Variants in CDADC1 observed in about 807,000 individuals in gnomAD.
CDADC1 encodes dCTP deaminase.
Under a neutral mutation model 54.9 loss-of-function variants are expected in CDADC1, and 39 were observed. The observed-to-expected ratio is 0.71, with a 90% CI of 0.55 to 0.93. CDADC1 has a LOEUF of 0.93. Among genes scored for constraint, CDADC1 ranks in the 40% least tolerant of loss-of-function variants. CDADC1 has a pLI of 0.00. For synonymous variants in CDADC1, 186 were observed against 204.0 expected (o/e 0.91, Z 0.75); for missense variants, 518 against 618.8 (o/e 0.84, Z 1.73).
In CDADC1 at chr13:49,267,124, C is replaced by G. The variant is rs1952834004; in HGVS notation, c.431-366C>G. On this transcript the variant is annotated intron_variant, in intron 4 of 9. Coordinates refer to ENST00000251108, the MANE Select transcript of CDADC1 (RefSeq NM_030911.4). ...GTCACAGCTACTCAACTCTGCCACA[C>G]GAAAGCACCCAAAGACTATATAAGT... 7.2e-5 allele frequency among the ~76,000 whole-genome samples: 11 copies of G among 152,212 alleles called. No homozygotes were observed. In the South Asian group the frequency reaches 2.3e-3, roughly 32 times the overall value.
intron 4 of CDADC1, among the ~76,000 whole-genome samples, chr13:49,264,883 A>T (rs1952780018): frequency 1.3e-5 from 2 of 152,202 alleles, no homozygotes. Context: ...GGTAGCTACC[A>T]TTATTTCCCC....
At chr13:49,259,300 A>G (rs377627444) in intron 3 of CDADC1, 46 bp from the exon 4 acceptor site, 34 of 1,258,238 alleles carry the variant, frequency 2.7e-5, no homozygotes, top group Non-Finnish European at 3.6e-5. Flanking sequence ...TAATATGATT[A>G]TTAGGTGTTA....
intron 3 of CDADC1, among the ~76,000 whole-genome samples, chr13:49,256,291 A>G (rs547608256): frequency 1.4e-4 from 22 of 152,296 alleles, no homozygotes; most frequent in African/African-American, 5.3e-4. Flanking sequence ...GCAGTGATCA[A>G]CCCTGAAGGT....
intron 9 of CDADC1, among the ~76,000 whole-genome samples, chr13:49,287,020 G>A (rs111664371): frequency 9.2e-4 from 140 of 152,216 alleles, no homozygotes; most frequent in African/African-American, 3.1e-3. Context: ...GTGAAACCTC[G>A]TCTCCACTAA....
At chr13:49,291,611 C>T (rs930185038) in intron 9 of CDADC1, 73 bp from the exon 10 acceptor site, 38 of 1,396,978 alleles carry the variant, frequency 2.7e-5, no homozygotes, top group East Asian at 2.7e-4. Flanking sequence ...GCTCTTACAA[C>T]ATGTAAGGCT....
At chr13:49,263,622 A>G (rs1367159329) in intron 4 of CDADC1, among the ~76,000 whole-genome samples, 3 of 152,112 alleles carry the variant, frequency 2.0e-5, no homozygotes, top group African/African-American at 7.2e-5. Context: ...CTGTTAAAAT[A>G]CTCCTTTTTC....
rs150791420 is a variant in CDADC1 at position 49,251,467 on chromosome 13, G to A, written c.177+2502G>A. Among the ~76,000 whole-genome samples the A allele has an allele frequency of 3.9e-4, 59 of 151,676 alleles. No homozygotes were observed. In the East Asian group the frequency reaches 9.3e-3, roughly 24 times the overall value. The stretch of plus-strand genomic sequence containing the variant: ...AGAGATTGAATACAAATTTTGAAAA[G>A]GCGTTCTTTTTTTTGTAAATATCCA... On this transcript the variant is annotated intron_variant, in intron 2 of 9. Coordinates refer to ENST00000251108, the MANE Select transcript of CDADC1 (RefSeq NM_030911.4).
Position 49,254,016 on chromosome 13 carries a change from C to T in CDADC1, c.178-1823C>T, listed in dbSNP as rs1177395821. On this transcript the variant is annotated intron_variant, in intron 2 of 9. Transcript: ENST00000251108. ...CATGGTTGAATTATTTAATCTCTCT[C>T]AGCCACAATTTCCTCATTTGTACAA... is the stretch of plus-strand genomic sequence containing the variant. Among the ~76,000 whole-genome samples, 10 of 152,210 alleles carry T rather than the reference C, an allele frequency of 6.6e-5. No individual in the cohort carries two copies. The East Asian group carries it at 1.9e-3, about 29-fold the overall frequency.
chr13:49,259,874 GT>G (rs1952634361), intron 4 of CDADC1, among the ~76,000 whole-genome samples: 1 of 151,768 alleles, frequency 6.6e-6, no homozygotes, highest in Admixed American at 6.6e-5. Context: ...AGAAAGGAGC[GT>G]TTCTCTGAGA....
chr13:49,277,283 C>CTGA (rs1480997926), intron 6 of CDADC1, among the ~76,000 whole-genome samples: 1 of 151,696 alleles, frequency 6.6e-6, no homozygotes, highest in African/African-American at 2.4e-5. Flanking sequence ...CAATCCTGGG[C>CTGA]ATCATGGTGA....
chr13:49,290,135 A>G (rs1953656703), intron 9 of CDADC1, among the ~76,000 whole-genome samples: 1 of 151,928 alleles, frequency 6.6e-6, no homozygotes, highest in South Asian at 2.1e-4. Flanking sequence ...TCGATTGATA[A>G]ACACAAAAAT....
chr13:49,248,595 G>T, intron 1 of CDADC1: 1 of 387,710 alleles, frequency 2.6e-6, no homozygotes, highest in Non-Finnish European at 4.7e-6. Context: ...GCTTTGGGTT[G>T]TCCCCCTCAG....
chr13:49,253,216 TA>T (rs1323991826), intron 2 of CDADC1, among the ~76,000 whole-genome samples: 2 of 152,232 alleles, frequency 1.3e-5, no homozygotes, highest in Non-Finnish European at 2.9e-5. Flanking sequence ...TTTTATGAGT[TA>T]CCAAAGTAAT....
Position 49,248,114 on chromosome 13 carries a change from T to G in CDADC1, c.77T>G (p.Met26Arg). 1.3e-6 allele frequency: 2 copies of G among 1,551,646 alleles called. No individual in the cohort carries two copies. The highest frequency in any genetic ancestry group is 1.7e-6 in the Non-Finnish European group (2 of 1,147,150). Residue 26 changes from methionine to arginine, a missense_variant, in exon 1 of 10, where the codon ATG (methionine) becomes AGG (arginine). Physicochemically the swap from Met to Arg is moderately conservative, Grantham distance 91 (BLOSUM62 -1). Coordinates refer to ENST00000251108, the MANE Select transcript of CDADC1 (RefSeq NM_030911.4). Reference sequence around the variant, plus strand: ...TCAGTCAGCACCCAGACTGGCAGCATGACCGGTGAGTGTCCGGGACCCTGC... The same window carrying G: ...TCAGTCAGCACCCAGACTGGCAGCAGGACCGGTGAGTGTCCGGGACCCTGC... ...GRSVSTQTGS[M>R]TGQIPRLSKV...
chr13:49,255,785 A>T, intron 2 of CDADC1, 54 bp from the exon 3 acceptor site: 1 of 1,583,976 alleles, frequency 6.3e-7, no homozygotes. Context: ...ATATTGAATT[A>T]GTCATATGTC....
chr13:49,252,960 T>G (rs1030335633), intron 2 of CDADC1, among the ~76,000 whole-genome samples: 4 of 152,354 alleles, frequency 2.6e-5, no homozygotes, highest in Admixed American at 2.0e-4. Context: ...CTTTACCATT[T>G]ACTATAGTAT....
chr13:49,266,075 G>T, intron 4 of CDADC1: 1 of 431,658 alleles, frequency 2.3e-6, no homozygotes. Context: ...TGGATAGAAT[G>T]TTTATTTGTT....
chr13:49,253,726 T>C (rs1952483432), intron 2 of CDADC1, among the ~76,000 whole-genome samples: 1 of 152,204 alleles, frequency 6.6e-6, no homozygotes, highest in Non-Finnish European at 1.5e-5. Context: ...GTATTTATTT[T>C]AATAGAGATG....
At chr13:49,262,974 A>C (rs890921597) in intron 4 of CDADC1, among the ~76,000 whole-genome samples, 1 of 152,160 alleles carries the variant, frequency 6.6e-6, no homozygotes, top group South Asian at 2.1e-4. Context: ...TTAAATCCCA[A>C]CTTGAGTCTG....
Sources: allele counts gnomAD v4.1 joint callset (sites outside exome capture counted in the v4.1 genomes callset), GRCh38; gene constraint gnomAD v4.1.1; transcripts MANE v1.5; gene names NCBI Gene and HGNC (gene_info 2026-07-23, HGNC 2026-07-21).